Variants in MPP7 observed in about 807,000 individuals in gnomAD.
The protein encoded by MPP7 is MAGUK p55 scaffold protein 7.
In MPP7, 60 loss-of-function variants were observed where a neutral mutation model predicts 76.5. The ratio of observed to expected loss-of-function variants is 0.78; its 90% CI spans 0.64 to 0.97. MPP7 has a LOEUF of 0.97. Ranked by LOEUF, MPP7 falls within the 50% of genes least tolerant of loss-of-function variation. MPP7 has a pLI of 0.00. For missense variants in MPP7, 641 were observed against 694.0 expected (o/e 0.92, Z 0.86); for synonymous variants, 237 against 244.5 (o/e 0.97, Z 0.29).
At chr10:28,273,854 G>A (rs1361891345) in intron 1 of MPP7, among the ~76,000 whole-genome samples, 3 of 152,152 alleles carry the variant, frequency 2.0e-5, no homozygotes, top group Non-Finnish European at 4.4e-5. Context: ...TACAAGGCAG[G>A]CATGGTGGTG....
At chr10:28,057,080 T>G (rs7905976) in intron 15 of MPP7, among the ~76,000 whole-genome samples, 47,920 of 152,042 alleles carry the variant, frequency 0.32, 8,831 homozygotes, top group East Asian at 0.66. Context: ...TCATCAAATC[T>G]TTGATGTTCT....
At position 28,136,367 on chromosome 10, in the gene MPP7, C is replaced by T. The variant is rs540091957; in HGVS notation, c.316-4676G>A. 8.6e-5 allele frequency among the ~76,000 whole-genome samples: 13 copies of T among 152,038 alleles called. No individual in the cohort carries two copies. The East Asian group carries it at 2.5e-3, about 29-fold the overall frequency. ...TGGAGAAGGTTGATCCAAAGAAACACAAAAATACCCAGCATCCAACAAGAT... is the reference window on the plus strand; with the variant it reads ...TGGAGAAGGTTGATCCAAAGAAACATAAAAATACCCAGCATCCAACAAGAT... On this transcript the variant is annotated intron_variant, in intron 5 of 16. Transcript: ENST00000683449.
intron 2 of MPP7, among the ~76,000 whole-genome samples, chr10:28,312,873 A>G (rs920863486): frequency 6.6e-6 from 1 of 152,206 alleles, no homozygotes; most frequent in Non-Finnish European, 1.5e-5. Flanking sequence ...TTATCTCGCC[A>G]CTTGAAAACT....
chr10:28,257,433 A>G (rs889700025), intron 1 of MPP7, among the ~76,000 whole-genome samples: 4 of 152,056 alleles, frequency 2.6e-5, no homozygotes, highest in Admixed American at 2.6e-4. Flanking sequence ...AAGCTTGTTC[A>G]TGTCCTTTGT....
chr10:28,306,820 A>G (rs1354318166), upstream of MPP7, among the ~76,000 whole-genome samples: 2 of 152,188 alleles, frequency 1.3e-5, no homozygotes, highest in Non-Finnish European at 2.9e-5. Context: ...CCTCAGGAAG[A>G]CCCAGATCGC....
chr10:28,280,869 G>A (rs1358165945), intron 1 of MPP7, among the ~76,000 whole-genome samples: 1 of 151,916 alleles, frequency 6.6e-6, no homozygotes, highest in Non-Finnish European at 1.5e-5. Context: ...AGCAATACAG[G>A]GTGCCAATTT....
chr10:28,056,600 T>C lies in MPP7; in HGVS notation c.1431A>G (p.Leu477=), dbSNP rs200989770. 1 of 1,602,576 alleles carries C rather than the reference T, an allele frequency of 6.2e-7. No homozygotes were observed. The highest frequency in any genetic ancestry group is 2.3e-5 in the East Asian group (1 of 44,442). ...QPHTVKHLRT[L]EFKPYVIFIK... The stretch of plus-strand genomic sequence containing the variant: ...TAAATATCACATAGGGCTTAAATTC[T>C]AGTGTCCTTAAATGCTTCACTGTCT... Residue 477 remains leucine (L), a synonymous_variant, in exon 16 of 17, where the codon CTA becomes CTG. Transcript: ENST00000683449.
intron 1 of MPP7, among the ~76,000 whole-genome samples, chr10:28,244,017 C>A (rs1421927624): frequency 6.6e-6 from 1 of 152,116 alleles, no homozygotes; most frequent in Non-Finnish European, 1.5e-5. Context: ...TTCTCTAATG[C>A]CAAGGTTTGG....
chr10:28,311,684 A>G (rs1189724758), intron 2 of MPP7, among the ~76,000 whole-genome samples: 1 of 152,074 alleles, frequency 6.6e-6, no homozygotes, highest in Non-Finnish European at 1.5e-5. Context: ...AGAATTCAAG[A>G]CCAACATGGG....
chr10:28,120,052 A>G (rs1834782685), intron 10 of MPP7, 142 bp downstream of exon 10: 1 of 884,088 alleles, frequency 1.1e-6, no homozygotes, highest in African/African-American at 1.7e-5. Flanking sequence ...TAGTTAGACA[A>G]AACAGAAATC....
At chr10:28,088,606 C>T (rs539720003) in intron 12 of MPP7, among the ~76,000 whole-genome samples, 56 of 152,190 alleles carry the variant, frequency 3.7e-4, no homozygotes, top group African/African-American at 1.3e-3. Context: ...CATAAATTAC[C>T]CAGTCTCAGG....
intron 1 of MPP7, among the ~76,000 whole-genome samples, chr10:28,251,828 G>A (rs1839623939): frequency 6.6e-6 from 1 of 151,990 alleles, no homozygotes; most frequent in Non-Finnish European, 1.5e-5. Flanking sequence ...AGGCTGAGGT[G>A]GGAGGATTAC....
chr10:28,278,518 C>G (rs948825693), intron 1 of MPP7, among the ~76,000 whole-genome samples: 1 of 151,212 alleles, frequency 6.6e-6, no homozygotes, highest in Non-Finnish European at 1.5e-5. Context: ...CTGAAGACAC[C>G]ACAAAAAACT....
intron 6 of MPP7, among the ~76,000 whole-genome samples, chr10:28,126,700 C>G (rs958741237): frequency 6.6e-6 from 1 of 152,116 alleles, no homozygotes; most frequent in Non-Finnish European, 1.5e-5. Flanking sequence ...CAATTCCTTC[C>G]CTCCTTGTAT....
At chr10:28,230,093 C>A (rs1838831401) in intron 2 of MPP7, among the ~76,000 whole-genome samples, 1 of 151,912 alleles carries the variant, frequency 6.6e-6, no homozygotes, top group African/African-American at 2.4e-5. Flanking sequence ...ATAAAGGATT[C>A]AAGTAGTAAT....
chr10:28,063,155 C>A (rs1428838071), intron 13 of MPP7, among the ~76,000 whole-genome samples: 1 of 152,182 alleles, frequency 6.6e-6, no homozygotes, highest in East Asian at 1.9e-4. Flanking sequence ...AGTCACGAGA[C>A]AAACAGTCCA....
intron 2 of MPP7, among the ~76,000 whole-genome samples, chr10:28,234,115 C>G (rs1838988457): frequency 6.6e-6 from 1 of 152,154 alleles, no homozygotes; most frequent in African/African-American, 2.4e-5. Flanking sequence ...AGAGAAATGT[C>G]TACTTCTAGG....
At chr10:28,131,136 A>G (rs1269360186) in intron 6 of MPP7, among the ~76,000 whole-genome samples, 2 of 152,224 alleles carry the variant, frequency 1.3e-5, no homozygotes, top group African/African-American at 4.8e-5. Context: ...CAAAGAAATT[A>G]GATGTTTACT....
rs75538857 is a variant in MPP7 at position 28,076,869 on chromosome 10, C to CAAGA, written c.1124-7018_1124-7017insTCTT. Among the ~76,000 whole-genome samples, 5 of 146,960 alleles carry CAAGA rather than the reference C, an allele frequency of 3.4e-5. No individual in the cohort carries two copies. The East Asian group carries it at 1.0e-3, about 29-fold the overall frequency. Reference sequence around the variant, plus strand: ...CGCCATTGCGATCTAGCCTGGGTGACAGAGTAAGACTCCGTCTGAAAAAAA... The same window carrying CAAGA: ...CGCCATTGCGATCTAGCCTGGGTGACAAGAAGAGTAAGACTCCGTCTGAAAAAAA... On this transcript the variant is annotated intron_variant, in intron 12 of 16. Transcript: ENST00000683449.
Sources: allele counts gnomAD v4.1 joint callset (sites outside exome capture counted in the v4.1 genomes callset), GRCh38; gene constraint gnomAD v4.1.1; transcripts MANE v1.5; gene names NCBI Gene and HGNC (gene_info 2026-07-23, HGNC 2026-07-21).